Variants in ROBO2 observed in about 807,000 individuals in gnomAD.
ROBO2 encodes the protein roundabout guidance receptor 2, also known as roundabout homolog 2.
Under a neutral mutation model 160.8 loss-of-function variants are expected in ROBO2, and 53 were observed. The observed-to-expected ratio is 0.33, with a 90% CI of 0.26 to 0.41. The LOEUF (loss-of-function observed/expected upper bound fraction) is 0.41. Ranked by LOEUF, ROBO2 falls within the 10% of genes least tolerant of loss-of-function variation. The probability of loss-of-function intolerance (pLI) is 1.00; values close to 1 mark genes in which losing one functional copy is unlikely to be tolerated. For missense variants in ROBO2, 1,577 were observed against 1,722.4 expected (o/e 0.92, Z 1.49); for synonymous variants, 664 against 611.7 (o/e 1.09, Z -1.26).
chr3:76,029,132 G>A (rs1244602463), intron 2 of ROBO2, among the ~76,000 whole-genome samples: 1 of 151,906 alleles, frequency 6.6e-6, no homozygotes, highest in Non-Finnish European at 1.5e-5. Flanking sequence ...TTCTTTGGAG[G>A]AAAAGAATTC....
intron 2 of ROBO2, among the ~76,000 whole-genome samples, chr3:77,369,213 A>T (rs2071391257): frequency 6.6e-6 from 1 of 152,172 alleles, no homozygotes; most frequent in African/African-American, 2.4e-5. Context: ...CCAAGTGCCC[A>T]TCCTGTTCTT....
At chr3:77,029,950 C>CTTTTTTTTTTT (rs965579096) in intron 2 of ROBO2, among the ~76,000 whole-genome samples, 212 of 144,732 alleles carry the variant, frequency 1.5e-3, no homozygotes, top group Middle Eastern at 7.2e-3. Context: ...CCATTCAGTT[C>CTTTTTTTTTTT]TTTTTTTTTT....
intron 2 of ROBO2, among the ~76,000 whole-genome samples, chr3:77,413,097 T>C (rs904247741): frequency 3.3e-5 from 5 of 151,978 alleles, no homozygotes; most frequent in Non-Finnish European, 7.4e-5. Context: ...TTGGGACCAG[T>C]ACTCTTTTGG....
chr3:76,011,023 C>T (rs2066175470), intron 2 of ROBO2, among the ~76,000 whole-genome samples: 1 of 152,154 alleles, frequency 6.6e-6, no homozygotes, highest in Non-Finnish European at 1.5e-5. Flanking sequence ...CTTCAAAATG[C>T]ATTTTATTGT....
At chr3:76,414,220 T>C (rs2075642377) in intron 2 of ROBO2, among the ~76,000 whole-genome samples, 1 of 152,198 alleles carries the variant, frequency 6.6e-6, no homozygotes, top group African/African-American at 2.4e-5. Flanking sequence ...AATGGGGACA[T>C]GGCCAAAGCA....
intron 2 of ROBO2, among the ~76,000 whole-genome samples, chr3:77,294,663 A>T (rs776040940): frequency 3.4e-5 from 5 of 148,828 alleles, no homozygotes; most frequent in South Asian, 2.1e-4. Flanking sequence ...CCCCAGACAT[A>T]AAGTAAAATT....
chr3:77,027,017 G>C (rs530696686), intron 2 of ROBO2, among the ~76,000 whole-genome samples: 9 of 152,258 alleles, frequency 5.9e-5, no homozygotes, highest in South Asian at 2.1e-4. Context: ...CAAGAATAGA[G>C]TCATACTGCA....
At chr3:76,769,561 A>C (rs931265024) in intron 2 of ROBO2, among the ~76,000 whole-genome samples, 5 of 151,480 alleles carry the variant, frequency 3.3e-5, no homozygotes, top group Admixed American at 2.0e-4. Context: ...CATAAGACAA[A>C]ATATGAAACA....
chr3:77,575,493 G>T (rs993618017), intron 14 of ROBO2, among the ~76,000 whole-genome samples: 2 of 152,046 alleles, frequency 1.3e-5, no homozygotes, highest in African/African-American at 4.8e-5. Context: ...TTTAAAAAAT[G>T]TATATAGGTT....
At chr3:76,410,431 T>C (rs1404981531) in intron 2 of ROBO2, among the ~76,000 whole-genome samples, 3 of 152,090 alleles carry the variant, frequency 2.0e-5, no homozygotes, top group Admixed American at 6.6e-5. Context: ...AACTTAAATA[T>C]TTAGAATATT....
At chr3:76,211,289 A>G (rs1703131399) in intron 2 of ROBO2, among the ~76,000 whole-genome samples, 1 of 152,132 alleles carries the variant, frequency 6.6e-6, no homozygotes, top group African/African-American at 2.4e-5. Flanking sequence ...AATTAAACAT[A>G]TAGAGTGAAG....
intron 2 of ROBO2, among the ~76,000 whole-genome samples, chr3:76,913,439 T>G (rs1299500959): frequency 6.6e-6 from 1 of 152,230 alleles, no homozygotes; most frequent in Non-Finnish European, 1.5e-5. Flanking sequence ...AGTTATATGT[T>G]CTACCTGTAC....
chr3:76,333,287 A>G (rs1037482220), intron 2 of ROBO2, among the ~76,000 whole-genome samples: 2 of 152,112 alleles, frequency 1.3e-5, no homozygotes, highest in Non-Finnish European at 2.9e-5. Context: ...AATGCCTAAG[A>G]CAGTGTCCAG....
At position 77,410,672 on chromosome 3, in the gene ROBO2, TTCC is replaced by T. The variant is rs1320285821; in HGVS notation, c.389-66730_389-66728del. Among the ~76,000 whole-genome samples, 629 of 82,862 alleles carry T rather than the reference TTCC, an allele frequency of 7.6e-3. 1 individual carries two copies. The highest frequency in any genetic ancestry group is 0.025 in the East Asian group (58 of 2,288). The allele number at this position is 82,862 out of a possible 152,430, so 54.4% of individuals were successfully genotyped here. A position where few individuals can be genotyped will look rare whatever the true frequency, so the allele number is the denominator to read the frequency against. On this transcript the variant is annotated intron_variant, in intron 2 of 25. Coordinates refer to ENST00000461745, the Ensembl canonical transcript of ROBO2. The stretch of plus-strand genomic sequence containing the variant: ...TCTCCTCCTCTTCTTCCTCCTCCTC[TTCC>T]TCCTCCTCCTCTTCCTCCTCCTCTT...
chr3:76,357,273 A>G (rs1576634417), intron 2 of ROBO2, among the ~76,000 whole-genome samples: 1 of 152,116 alleles, frequency 6.6e-6, no homozygotes, highest in African/African-American at 2.4e-5. Context: ...TCTCACCTAT[A>G]AGCAGGAGTA....
chr3:76,132,533 C>A lies in ROBO2; in HGVS notation c.109+194931C>A, dbSNP rs531820852. ...GTTCCCGGATGCCACCGAGGACTAACCTTGCAAGCAGGCCTTTCTGAAGGT... is the reference window on the plus strand; with the variant it reads ...GTTCCCGGATGCCACCGAGGACTAAACTTGCAAGCAGGCCTTTCTGAAGGT... On this transcript the variant is annotated intron_variant, in intron 2 of 26. Transcript: ENST00000487694. Among the ~76,000 whole-genome samples, 7 of 152,142 alleles carry A rather than the reference C, an allele frequency of 4.6e-5. No homozygotes were observed. In the East Asian group the frequency reaches 1.2e-3, roughly 25 times the overall value.
intron 2 of ROBO2, among the ~76,000 whole-genome samples, chr3:76,524,512 C>G (rs921623373): frequency 6.6e-6 from 1 of 151,772 alleles, no homozygotes; most frequent in Non-Finnish European, 1.5e-5. Context: ...AGATACTTAA[C>G]TATAATGGTT....
chr3:77,425,886 C>A (rs1396052368), intron 2 of ROBO2, among the ~76,000 whole-genome samples: 2 of 151,988 alleles, frequency 1.3e-5, no homozygotes, highest in South Asian at 2.1e-4. Context: ...TGATCTCGAA[C>A]TCCTGATCTC....
At chr3:77,421,032 G>C (rs1245318527) in intron 2 of ROBO2, among the ~76,000 whole-genome samples, 1 of 152,058 alleles carries the variant, frequency 6.6e-6, no homozygotes. Context: ...AGAAAGTATA[G>C]TATGGAAGGG....
Sources: gnomAD v4.1 joint callset for allele counts (sites outside exome capture counted in the v4.1 genomes callset) on GRCh38, gnomAD v4.1.1 for gene constraint, MANE v1.5 for transcripts, NCBI Gene and HGNC (gene_info 2026-07-23, HGNC 2026-07-21) for gene names.